DSC1: variants seen among roughly 807,000 people sequenced by gnomAD.
DSC1 encodes the protein desmocollin-1.
In DSC1, 79 loss-of-function variants were observed where a neutral mutation model predicts 98.8. That is an observed-to-expected ratio of 0.80 (90% CI 0.67 to 0.96). DSC1 has a LOEUF of 0.96. DSC1 is among the 50% of genes least tolerant of loss of function. The pLI is 0.00. For synonymous variants in DSC1, 405 were observed against 372.1 expected (o/e 1.09, Z -1.02); for missense variants, 1,115 against 1,075.9 (o/e 1.04, Z -0.51).
intron 6 of DSC1, 130 bp downstream of exon 6, chr18:31,148,368 A>G (rs1429001423): frequency 1.0e-5 from 12 of 1,183,946 alleles, no homozygotes; most frequent in Admixed American, 2.7e-5. Context: ...TAATGGGAAA[A>G]AAAGTGTATG....
chr18:31,161,892 A>G (rs532675504), intron 1 of DSC1, among the ~76,000 whole-genome samples: 2 of 152,196 alleles, frequency 1.3e-5, no homozygotes, highest in South Asian at 4.2e-4. Context: ...GGAAACTCAC[A>G]CCTCAGAAAT....
intron 6 of DSC1, among the ~76,000 whole-genome samples, chr18:31,148,288 C>T (rs1988888644): frequency 1.3e-5 from 2 of 151,964 alleles, no homozygotes; most frequent in Admixed American, 1.3e-4. Context: ...TATGAATATG[C>T]TTAAATTTAA....
At chr18:31,153,455 T>C (rs1334473280) in intron 5 of DSC1, among the ~76,000 whole-genome samples, 4 of 152,324 alleles carry the variant, frequency 2.6e-5, no homozygotes, top group South Asian at 2.1e-4. Context: ...AAGTGTGTTA[T>C]ATTACTAGAA....
intron 5 of DSC1, among the ~76,000 whole-genome samples, chr18:31,150,429 T>TATTACCATCACC: frequency 2.4e-5 from 1 of 41,784 alleles, no homozygotes; most frequent in Non-Finnish European, 5.1e-5. Context: ...CTGCTACCAC[T>TATTACCATCACC]ATTACCATCA....
Position 31,157,432 on chromosome 18 carries a change from G to A in DSC1, c.290C>T (p.Ser97Leu). 6.2e-7 allele frequency: 1 copy of A among 1,614,134 alleles called. No homozygotes were observed. Among genetic ancestry groups the A allele is most frequent in the Non-Finnish European group, 8.5e-7 (1 of 1,180,030 alleles). ...SERKSFSIFL[S>L]DGQRREQQEI... ...TTGTTGTTCCCGTCTCTGACCATCT[G>A]AAAGGAAAATGGAAAAACTTTTCCT... Residue 97 changes from serine (S) to leucine (L), a missense_variant, in exon 3 of 16, where the codon TCA becomes TTA. Coordinates refer to ENST00000257198, the MANE Select transcript of DSC1 (RefSeq NM_024421.2).
chr18:31,138,612 G>A (rs1382167128), intron 11 of DSC1, among the ~76,000 whole-genome samples: 1 of 59,082 alleles, frequency 1.7e-5, no homozygotes, highest in East Asian at 2.6e-4. Context: ...TTTGCATTTT[G>A]TTATTAAAAA....
intron 2 of DSC1, among the ~76,000 whole-genome samples, chr18:31,158,029 G>T (rs1370416989): frequency 6.6e-6 from 1 of 152,162 alleles, no homozygotes; most frequent in African/African-American, 2.4e-5. Context: ...AGCAGTTTGG[G>T]AGGCCGAGGT....
chr18:31,154,857 A>T lies in DSC1; in HGVS notation c.544T>A (p.Phe182Ile), dbSNP rs1321941853. The T allele has an allele frequency of 6.8e-6, 11 of 1,614,094 alleles. No individual in the cohort carries two copies. Among genetic ancestry groups the T allele is most frequent in the Non-Finnish European group, 9.3e-6 (11 of 1,179,986 alleles). The change falls in exon 5 of 16, where the codon TTC (phenylalanine) becomes ATC (isoleucine). Residue 182 changes from phenylalanine (F) to isoleucine (I), a missense_variant. Physicochemically the swap from Phe to Ile is conservative, Grantham distance 21. Coordinates refer to ENST00000257198, the MANE Select transcript of DSC1 (RefSeq NM_024421.2). ...ISGPGVDKEP[F>I]NLFYIEKDTG... ...TCTTTCTCTATGTAAAACAAATTGA[A>T]GGGTTCTTTGTCCACGCCTGGCCCA...
intron 5 of DSC1, among the ~76,000 whole-genome samples, chr18:31,151,186 T>G (rs998519754): frequency 6.6e-6 from 1 of 152,240 alleles, no homozygotes; most frequent in African/African-American, 2.4e-5. Flanking sequence ...TTTTTGTTAT[T>G]TGACTACAAG....
chr18:31,152,746 A>C (rs1209212752), intron 5 of DSC1, among the ~76,000 whole-genome samples: 1 of 152,114 alleles, frequency 6.6e-6, no homozygotes, highest in Admixed American at 6.5e-5. Context: ...CTTAGGATCT[A>C]CCAATTCCCA....
At chr18:31,149,817 G>A (rs922940927) in intron 5 of DSC1, among the ~76,000 whole-genome samples, 7 of 152,142 alleles carry the variant, frequency 4.6e-5, no homozygotes, top group African/African-American at 1.7e-4. Context: ...GGAATGGAAT[G>A]TATTAAAATA....
chr18:31,130,939 CTA>C lies in DSC1; in HGVS notation c.2488-230_2488-229del, dbSNP rs929766655. The stretch of plus-strand genomic sequence containing the variant: ...AGTGAGCACATTTAAAAAATTAAGA[CTA>C]CGCATATATCACGCAACACATTTAT... On this transcript the variant is annotated intron_variant, in intron 15 of 15. Transcript: ENST00000257198. The C allele has an allele frequency of 5.5e-5, 60 of 1,099,508 alleles. No individual in the cohort carries two copies. In the African/African-American group the frequency reaches 8.2e-4, roughly 15 times the overall value. The allele number at this position is 1,099,508 out of a possible 1,614,324, so 68.1% of individuals were successfully genotyped here. A position where few individuals can be genotyped will look rare whatever the true frequency, so the allele number is the denominator to read the frequency against.
intron 11 of DSC1, among the ~76,000 whole-genome samples, chr18:31,139,226 AG>A (rs1988677201): frequency 6.6e-6 from 1 of 152,122 alleles, no homozygotes; most frequent in South Asian, 2.1e-4. Flanking sequence ...CCTTGGTAAA[AG>A]ATTGCAAATC....
intron 11 of DSC1, among the ~76,000 whole-genome samples, chr18:31,137,420 T>C (rs890293400): frequency 6.6e-6 from 1 of 152,192 alleles, no homozygotes; most frequent in Admixed American, 6.5e-5. Flanking sequence ...CCTAGAATTG[T>C]AAAGCTTTTT....
intron 11 of DSC1, among the ~76,000 whole-genome samples, chr18:31,136,002 A>G (rs1567996923): frequency 6.6e-6 from 1 of 152,090 alleles, no homozygotes; most frequent in Non-Finnish European, 1.5e-5. Context: ...TTTCTGTTGA[A>G]TAACTACAAA....
intron 4 of DSC1, 37 bp from the exon 5 acceptor site, chr18:31,154,966 T>C (rs1375928710): frequency 6.2e-7 from 1 of 1,603,528 alleles, no homozygotes; most frequent in African/African-American, 1.3e-5. Flanking sequence ...AAATACGTCA[T>C]GATGAATATT....
Position 31,136,475 on chromosome 18 carries a change from T to C in DSC1, c.1664-1691A>G, listed in dbSNP as rs1338603301. ...CAACATTTATCCCATAACTTACTAT[T>C]TTCTATTACAGTCTCTGCTTTAAGC... On this transcript the variant is annotated intron_variant, in intron 11 of 15. Transcript: ENST00000257198. 2.6e-5 allele frequency among the ~76,000 whole-genome samples: 4 copies of C among 152,196 alleles called. No individual in the cohort carries two copies. The East Asian group carries it at 7.7e-4, about 29-fold the overall frequency.
intron 1 of DSC1, among the ~76,000 whole-genome samples, chr18:31,160,481 T>C (rs1989188763): frequency 6.6e-6 from 1 of 152,162 alleles, no homozygotes; most frequent in Non-Finnish European, 1.5e-5. Flanking sequence ...AACATCCATA[T>C]TAAGGATGTG....
chr18:31,153,941 T>C (rs1421342893), intron 5 of DSC1, among the ~76,000 whole-genome samples: 1 of 152,106 alleles, frequency 6.6e-6, no homozygotes, highest in Non-Finnish European at 1.5e-5. Flanking sequence ...TGCCCAAGTA[T>C]GAGATAAGTT....
Sources: gnomAD v4.1 joint callset for allele counts (sites outside exome capture counted in the v4.1 genomes callset) on GRCh38, gnomAD v4.1.1 for gene constraint, MANE v1.5 for transcripts, NCBI Gene and HGNC (gene_info 2026-07-23, HGNC 2026-07-21) for gene names.